Variants in ITPRID2 observed in about 807,000 individuals in gnomAD.
ITPRID2 encodes the protein protein ITPRID2.
In ITPRID2, 60 loss-of-function variants were observed where a neutral mutation model predicts 124.3. The ratio of observed to expected loss-of-function variants is 0.48; its 90% CI spans 0.39 to 0.60. ITPRID2 has a LOEUF of 0.60. ITPRID2 is among the 20% of genes least tolerant of loss of function. The pLI is 0.00. For missense variants in ITPRID2, 1,553 were observed against 1,512.2 expected (o/e 1.03, Z -0.45); for synonymous variants, 521 against 542.9 (o/e 0.96, Z 0.56).
At chr2:181,911,900 A>G (rs1223728034) in intron 9 of ITPRID2, among the ~76,000 whole-genome samples, 1 of 152,142 alleles carries the variant, frequency 6.6e-6, no homozygotes, top group African/African-American at 2.4e-5. Context: ...TGTTTTACCC[A>G]TTGCCCCAAA....
chr2:181,895,440 T>TA (rs1224065843), intron 2 of ITPRID2, among the ~76,000 whole-genome samples: 26 of 152,154 alleles, frequency 1.7e-4, no homozygotes, highest in African/African-American at 5.8e-4. Flanking sequence ...AATATATATA[T>TA]TTTTTAGCTT....
Position 181,921,998 on chromosome 2 carries a change from G to A in ITPRID2, c.3261G>A (p.Leu1087=). The A allele has an allele frequency of 6.2e-7, 1 of 1,614,192 alleles. No homozygotes were observed. The highest frequency in any genetic ancestry group is 1.1e-5 in the South Asian group (1 of 91,082). ...EQSYLKSELG[L]GLGEMGFEIP... ...CATACCTGAAGTCTGAATTGGGCCT[G>A]GGACTTGGAGAAATGGGATTTGAAA... Residue 1087 remains leucine, a synonymous_variant, in exon 16 of 18, where the codon CTG becomes CTA. Coordinates refer to ENST00000431877, the MANE Select transcript of ITPRID2 (RefSeq NM_001130445.3).
At position 181,915,572 on chromosome 2, in the gene ITPRID2, T is replaced by G; in HGVS notation, c.1932T>G (p.Ser644Arg). ...TACTGAGGGAAGCAAGTGCTGAAAG[T>G]GATGTGGGTAAAAGCAGTGAAAGTG... is the stretch of plus-strand genomic sequence containing the variant. ...VELLREASAE[S>R]DVGKSSESEF... is the part of the protein sequence containing the mutation. Residue 644 changes from serine (S) to arginine (R), a missense_variant, in exon 11 of 18, where the codon AGT (serine) becomes AGG (arginine). Ser to Arg is a moderately radical substitution (Grantham distance 110). Transcript: ENST00000431877. The G allele has an allele frequency of 2.5e-6, 4 of 1,614,196 alleles. No individual in the cohort carries two copies. Among genetic ancestry groups the G allele is most frequent in the Non-Finnish European group, 2.5e-6 (3 of 1,180,032 alleles).
rs1034511710 is a variant in ITPRID2, at chr2:181,896,504, A to G, written c.308-404A>G. Among the ~76,000 whole-genome samples the G allele has an allele frequency of 3.3e-5, 5 of 151,990 alleles. No individual in the cohort carries two copies. The highest frequency in any genetic ancestry group is 1.2e-4 in the African/African-American group (5 of 41,432). ...AGTTCAAAGTACAACAAGCATGTGC[A>G]GGCAGTGGCAAGGCATATAAAAAAA... On this transcript the variant is annotated intron_variant, in intron 3 of 17. Coordinates refer to ENST00000431877, the MANE Select transcript of ITPRID2 (RefSeq NM_001130445.3). The surrounding 1 kb of genome is among the most constrained non-coding windows in gnomAD (Gnocchi z 4.3).
In ITPRID2 at chr2:181,899,060, G is replaced by A; in HGVS notation, c.451G>A (p.Gly151Arg). The change falls in exon 6 of 18, where the codon GGG becomes AGG. Residue 151 changes from glycine (G) to arginine (R), a missense_variant. By Grantham distance (125) the Gly-to-Arg change is moderately radical (BLOSUM62 -2). Coordinates refer to ENST00000431877, the MANE Select transcript of ITPRID2 (RefSeq NM_001130445.3). ...GAGAAGATTACAGTTTCATCAGAAA[G>A]GGAGAAGTATGAATTCCACTGGATC... Reference protein sequence around the residue: ...KERRLQFHQKGRSMNSTGSGK... With the variant: ...KERRLQFHQKRRSMNSTGSGK... 6.2e-7 allele frequency: 1 copy of A among 1,611,560 alleles called. No homozygotes were observed.
At position 181,923,104 on chromosome 2, in the gene ITPRID2, T is replaced by C. The variant is rs16867511; in HGVS notation, c.3675+692T>C. Among the ~76,000 whole-genome samples the C allele has an allele frequency of 4.9e-3, 739 of 152,294 alleles. 4 individuals carry two copies. The highest frequency in any genetic ancestry group is 0.017 in the African/African-American group (698 of 41,572). On this transcript the variant is annotated intron_variant, in intron 16 of 17. Transcript: ENST00000431877. ...AGAACTTGAAGAATTACCATAGTTA[T>C]GGATGACCAAAAGAACTGCAAAAGG...
intron 8 of ITPRID2, among the ~76,000 whole-genome samples, chr2:181,903,646 T>C (rs1372413109): frequency 6.6e-6 from 1 of 152,076 alleles, no homozygotes; most frequent in Non-Finnish European, 1.5e-5. Context: ...AAAAAGGGAG[T>C]AGGAGCAGCA....
At chr2:181,921,265 G>A (rs1694459242) in intron 15 of ITPRID2, among the ~76,000 whole-genome samples, 1 of 152,068 alleles carries the variant, frequency 6.6e-6, no homozygotes, top group Admixed American at 6.5e-5. Flanking sequence ...ATCACCTGAG[G>A]TCAGGAGTTG....
At chr2:181,925,915 CTCATT>C (rs1424558983) in intron 16 of ITPRID2, among the ~76,000 whole-genome samples, 59 of 152,300 alleles carry the variant, frequency 3.9e-4, no homozygotes, top group African/African-American at 1.4e-3. Context: ...ACACTAGTCT[CTCATT>C]TATCAAAATT....
At chr2:181,922,465 A>G in intron 16 of ITPRID2, 53 bp downstream of exon 16, 1 of 1,413,502 alleles carries the variant, frequency 7.1e-7, no homozygotes, top group Non-Finnish European at 9.5e-7. Flanking sequence ...GTTAGAGGAG[A>G]TTTTGTCTGA....
intron 8 of ITPRID2, among the ~76,000 whole-genome samples, chr2:181,903,183 G>C (rs1368310687): frequency 6.6e-6 from 1 of 152,198 alleles, no homozygotes; most frequent in African/African-American, 2.4e-5. Context: ...GAGCTGAATA[G>C]CTTGGGGCAG....
intron 16 of ITPRID2, among the ~76,000 whole-genome samples, chr2:181,927,956 G>A (rs1694985779): frequency 6.6e-6 from 1 of 152,132 alleles, no homozygotes; most frequent in South Asian, 2.1e-4. Context: ...CTAGTTAGCT[G>A]AACAATTCTA....
intron 7 of ITPRID2, 27 bp downstream of exon 7, chr2:181,900,931 T>G: frequency 6.5e-7 from 1 of 1,541,004 alleles, no homozygotes; most frequent in Non-Finnish European, 8.8e-7. Flanking sequence ...TTAGGCATAT[T>G]ATTTTCTTAA....
chr2:181,908,516 A>G (rs1317739515), intron 8 of ITPRID2, among the ~76,000 whole-genome samples: 1 of 152,226 alleles, frequency 6.6e-6, no homozygotes, highest in Non-Finnish European at 1.5e-5. Flanking sequence ...CCTGTTGAAC[A>G]TGTATCTGCT....
rs1000100482 is a variant in ITPRID2 at position 181,900,724 on chromosome 2, G to A, written c.532G>A (p.Glu178Lys). ...TTCAGAATTGTTGGAACTTTATGAG[G>A]AAGATCCTGAAGAAATTCTTTATAA... Reference protein sequence around the residue: ...SVSELLELYEEDPEEILYNLG... With the variant: ...SVSELLELYEKDPEEILYNLG... Residue 178 changes from glutamate (E) to lysine (K), a missense_variant, in exon 7 of 18, where the codon GAA becomes AAA. Coordinates refer to ENST00000431877, the MANE Select transcript of ITPRID2 (RefSeq NM_001130445.3). 7 of 1,610,206 alleles carry A rather than the reference G, an allele frequency of 4.3e-6. No individual in the cohort carries two copies. Among genetic ancestry groups the A allele is most frequent in the Non-Finnish European group, 5.9e-6 (7 of 1,178,466 alleles).
In ITPRID2 at chr2:181,918,217, C is replaced by T. The variant is rs984595754; in HGVS notation, c.2788-381C>T. On this transcript the variant is annotated intron_variant, in intron 11 of 17. Transcript: ENST00000431877. The stretch of plus-strand genomic sequence containing the variant: ...GAAATGCTAAGATGTCTGAGAAAGA[C>T]GACAATGATTGCTTGCTCTCCAGCA... 1.0e-5 allele frequency: 8 copies of T among 776,240 alleles called. No individual in the cohort carries two copies. The Admixed American group carries it at 1.7e-4, about 17-fold the overall frequency. The allele number at this position is 776,240 out of a possible 1,614,324, so 48.1% of individuals were successfully genotyped here. A position where few individuals can be genotyped will look rare whatever the true frequency, so the allele number is the denominator to read the frequency against.
intron 16 of ITPRID2, among the ~76,000 whole-genome samples, chr2:181,923,093 T>TA (rs1694603083): frequency 6.6e-6 from 1 of 152,172 alleles, no homozygotes; most frequent in Non-Finnish European, 1.5e-5. Context: ...CTTGAAGAAT[T>TA]ACCATAGTTA....
intron 16 of ITPRID2, among the ~76,000 whole-genome samples, chr2:181,923,971 A>G (rs961323508): frequency 5.3e-5 from 8 of 152,220 alleles, no homozygotes; most frequent in Admixed American, 5.2e-4. Context: ...ATCATTTAAA[A>G]GAACCTCTCA....
Position 181,909,979 on chromosome 2 carries a change from G to T in ITPRID2, c.1486+8G>T. On this transcript the variant is annotated splice_region_variant and intron_variant, in intron 9 of 17. Coordinates refer to ENST00000431877, the MANE Select transcript of ITPRID2 (RefSeq NM_001130445.3). The stretch of plus-strand genomic sequence containing the variant: ...TTACGAAGTCGAAAAGAGGTAAGTG[G>T]ACCAGTATCCACTAGTTCTGAGCAC... 2 of 1,607,514 alleles carry T rather than the reference G, an allele frequency of 1.2e-6. No homozygotes were observed. The highest frequency in any genetic ancestry group is 2.2e-5 in the South Asian group (2 of 90,744).
Sources: gnomAD v4.1 joint callset for allele counts (sites outside exome capture counted in the v4.1 genomes callset) on GRCh38, gnomAD v4.1.1 for gene constraint, Gnocchi (gnomAD v3.1) non-coding constraint, MANE v1.5 for transcripts, NCBI Gene and HGNC (gene_info 2026-07-23, HGNC 2026-07-21) for gene names.